Variants in NAALADL2 observed in about 807,000 individuals in gnomAD.
NAALADL2 encodes inactive N-acetylated-alpha-linked acidic dipeptidase-like protein 2.
NAALADL2 carries 76 observed loss-of-function variants against 87.2 expected under a neutral mutation model. The ratio of observed to expected loss-of-function variants is 0.87; its 90% CI spans 0.72 to 1.05. The LOEUF is 1.05. Among genes scored for constraint, NAALADL2 ranks in the 50% least tolerant of loss-of-function variants. NAALADL2 has a pLI of 0.00. For missense variants in NAALADL2, 1,089 were observed against 945.8 expected (o/e 1.15, Z -1.99); for synonymous variants, 354 against 331.0 (o/e 1.07, Z -0.75).
intron 9 of NAALADL2, among the ~76,000 whole-genome samples, chr3:175,506,616 A>G (rs760492818): frequency 6.6e-6 from 1 of 152,252 alleles, no homozygotes; most frequent in Non-Finnish European, 1.5e-5. Context: ...AGTGAGAGAC[A>G]AAACAGAATA....
chr3:175,025,516 A>G (rs1174602210), intron 1 of NAALADL2, among the ~76,000 whole-genome samples: 3 of 152,188 alleles, frequency 2.0e-5, no homozygotes, highest in African/African-American at 7.2e-5. Flanking sequence ...AGTAAATAAA[A>G]TAAGTATTGA....
chr3:175,109,296 G>A (rs966658356), intron 2 of NAALADL2, among the ~76,000 whole-genome samples: 1 of 151,598 alleles, frequency 6.6e-6, no homozygotes, highest in African/African-American at 2.4e-5. Flanking sequence ...GCCTATCATC[G>A]CAAGATGCAT....
At chr3:174,720,616 C>A in intron 2 of NAALADL2, among the ~76,000 whole-genome samples, 1 of 152,010 alleles carries the variant, frequency 6.6e-6, no homozygotes, top group African/African-American at 2.4e-5. Context: ...GGGAACTCAA[C>A]CATGAGATGT....
chr3:175,558,194 C>CAAAAAAAAAAA (rs71164638), intron 9 of NAALADL2, among the ~76,000 whole-genome samples: 2 of 82,420 alleles, frequency 2.4e-5, no homozygotes, highest in African/African-American at 9.3e-5. Flanking sequence ...GACCCCGTCT[C>CAAAAAAAAAAA]AAAAAAAAAA....
intron 2 of NAALADL2, among the ~76,000 whole-genome samples, chr3:175,146,343 A>G (rs1730750334): frequency 6.6e-6 from 1 of 152,170 alleles, no homozygotes. Flanking sequence ...AGCATCAAAT[A>G]TGTACAGTGC....
intron 3 of NAALADL2, among the ~76,000 whole-genome samples, chr3:174,805,110 A>G (rs1019209895): frequency 2.6e-5 from 4 of 152,126 alleles, no homozygotes; most frequent in Non-Finnish European, 5.9e-5. Context: ...TCATATTGGA[A>G]CTCAAACCAT....
chr3:175,338,376 G>A (rs1046983162), intron 5 of NAALADL2, among the ~76,000 whole-genome samples: 1 of 151,626 alleles, frequency 6.6e-6, no homozygotes, highest in Non-Finnish European at 1.5e-5. Context: ...AAGACAATGG[G>A]TCTATATTAA....
chr3:175,674,502 G>A (rs1332270662), intron 11 of NAALADL2, among the ~76,000 whole-genome samples: 1 of 151,988 alleles, frequency 6.6e-6, no homozygotes, highest in Non-Finnish European at 1.5e-5. Flanking sequence ...CTGACCTTGT[G>A]ATCAGCCTGC....
chr3:174,494,385 A>G (rs185668224), intron 1 of NAALADL2, among the ~76,000 whole-genome samples: 240 of 151,740 alleles, frequency 1.6e-3, no homozygotes, highest in Non-Finnish European at 2.5e-3. Flanking sequence ...GGAGTTTTCA[A>G]ACACCGCATG....
At chr3:174,839,651 A>T (rs1351270430) in intron 3 of NAALADL2, among the ~76,000 whole-genome samples, 1 of 152,158 alleles carries the variant, frequency 6.6e-6, no homozygotes, top group Admixed American at 6.5e-5. Context: ...TCAGCAAGAA[A>T]AAAAACAAAT....
At chr3:175,296,917 A>G (rs1756461333) in intron 4 of NAALADL2, among the ~76,000 whole-genome samples, 4 of 152,108 alleles carry the variant, frequency 2.6e-5, no homozygotes, top group Admixed American at 2.6e-4. Context: ...GAGCAGCAGG[A>G]GCAGAAGACT....
intron 11 of NAALADL2, among the ~76,000 whole-genome samples, chr3:175,710,168 A>G (rs1309166785): frequency 6.6e-6 from 1 of 151,408 alleles, no homozygotes; most frequent in African/African-American, 2.4e-5. Flanking sequence ...AAGGGAAGGA[A>G]TCTAGGAAAG....
chr3:174,760,949 A>C (rs895502598), intron 3 of NAALADL2, among the ~76,000 whole-genome samples: 1 of 152,236 alleles, frequency 6.6e-6, no homozygotes, highest in African/African-American at 2.4e-5. Flanking sequence ...GGGCAAACCT[A>C]GTATGTGATC....
At chr3:174,717,234 G>A (rs1419727582) in intron 2 of NAALADL2, among the ~76,000 whole-genome samples, 1 of 152,092 alleles carries the variant, frequency 6.6e-6, no homozygotes, top group African/African-American at 2.4e-5. Flanking sequence ...TCTTCCTGGT[G>A]ACTCTCTATT....
chr3:174,686,091 C>T (rs919725012), intron 2 of NAALADL2, among the ~76,000 whole-genome samples: 9 of 151,958 alleles, frequency 5.9e-5, no homozygotes, highest in Non-Finnish European at 1.3e-4. Flanking sequence ...TAGGTTGATT[C>T]CATATCTTTG....
chr3:175,096,216 T>C (rs753569001), intron 1 of NAALADL2, among the ~76,000 whole-genome samples: 10 of 152,140 alleles, frequency 6.6e-5, no homozygotes, highest in Non-Finnish European at 1.3e-4. Flanking sequence ...TAACAGATTT[T>C]GCTTCTTGTA....
chr3:175,241,882 A>ATTTTTTT (rs1387913168), intron 3 of NAALADL2, among the ~76,000 whole-genome samples: 1 of 4,916 alleles, frequency 2.0e-4, no homozygotes, highest in Non-Finnish European at 1.2e-3. Flanking sequence ...TTTTTTCTTG[A>ATTTTTTT]GACAGAGTCT....
At chr3:175,181,507 T>A (rs1736464445) in intron 2 of NAALADL2, among the ~76,000 whole-genome samples, 1 of 151,628 alleles carries the variant, frequency 6.6e-6, no homozygotes, top group South Asian at 2.1e-4. Context: ...CAACATTGTA[T>A]GCTTTGCTTC....
chr3:175,219,717 A>C (rs1334150812), intron 2 of NAALADL2, among the ~76,000 whole-genome samples: 1 of 151,894 alleles, frequency 6.6e-6, no homozygotes, highest in Non-Finnish European at 1.5e-5. Flanking sequence ...GCTTTGTTCT[A>C]CTTGTCTGTT....
Sources: gnomAD v4.1 joint callset for allele counts (sites outside exome capture counted in the v4.1 genomes callset) on GRCh38, gnomAD v4.1.1 for gene constraint, MANE v1.5 for transcripts, NCBI Gene and HGNC (gene_info 2026-07-23, HGNC 2026-07-21) for gene names.